IPO11: variants seen among roughly 807,000 people sequenced by gnomAD.
The protein encoded by IPO11 is importin 11, also known as importin-11.
IPO11 carries 66 observed loss-of-function variants against 143.2 expected under a neutral mutation model. The observed-to-expected ratio is 0.46, with a 90% CI of 0.38 to 0.57. The LOEUF (loss-of-function observed/expected upper bound fraction) is 0.57, where lower values mean the gene tolerates loss of function less well. IPO11 is among the 20% of genes least tolerant of loss of function. IPO11 has a pLI of 0.00. For synonymous variants in IPO11, 385 were observed against 377.8 expected, an observed-to-expected ratio of 1.02 and a Z score of -0.22; for missense variants, 1,026 against 1,141.0, an observed-to-expected ratio of 0.90 and a Z score of 1.45.
chr5:62,491,420 G>A lies in IPO11; in HGVS notation c.1463+1200G>A, dbSNP rs566374223. Among the ~76,000 whole-genome samples the A allele has an allele frequency of 4.6e-5, 7 of 152,230 alleles. No individual in the cohort carries two copies. In the South Asian group the frequency reaches 1.5e-3, roughly 32 times the overall value. ...TGATGGAGAGAAAGCTTTCATTGGC[G>A]AAACAAATGTGCAGTTTAGTTGTCC... On this transcript the variant is annotated intron_variant, in intron 15 of 29. Transcript: ENST00000325324.
intron 28 of IPO11, among the ~76,000 whole-genome samples, chr5:62,599,634 A>G (rs1745424421): frequency 6.6e-6 from 1 of 152,188 alleles, no homozygotes; most frequent in African/African-American, 2.4e-5. Flanking sequence ...TTCTTGAGAA[A>G]GATTCTTATT....
intron 29 of IPO11, among the ~76,000 whole-genome samples, chr5:62,621,258 G>T (rs1213759812): frequency 1.3e-5 from 2 of 152,166 alleles, no homozygotes; most frequent in Admixed American, 6.5e-5. Context: ...TAAAAACCAG[G>T]TTCTTGTCAC....
chr5:62,430,164 A>G (rs1376193421), intron 1 of IPO11, among the ~76,000 whole-genome samples: 1 of 152,164 alleles, frequency 6.6e-6, no homozygotes. Flanking sequence ...GAGTTTTTGT[A>G]TGGACATATT....
chr5:62,571,320 C>T (rs2112384825), intron 27 of IPO11, among the ~76,000 whole-genome samples: 1 of 152,224 alleles, frequency 6.6e-6, no homozygotes. Context: ...GAAGTTGGAC[C>T]AGTTTTCTGT....
At chr5:62,546,179 C>G (rs1277548243) in intron 24 of IPO11, among the ~76,000 whole-genome samples, 1 of 152,078 alleles carries the variant, frequency 6.6e-6, no homozygotes, top group Non-Finnish European at 1.5e-5. Flanking sequence ...TTCACAATAG[C>G]AAAGACTTGG....
Position 62,625,014 on chromosome 5 carries a change from C to T in IPO11, c.2764-2140C>T, listed in dbSNP as rs193157702. Among the ~76,000 whole-genome samples the T allele has an allele frequency of 4.8e-4, 72 of 150,360 alleles. 1 individual carries two copies. Among genetic ancestry groups the T allele is most frequent in the African/African-American group, 1.6e-3 (65 of 41,088 alleles). On this transcript the variant is annotated intron_variant, in intron 29 of 29. Coordinates refer to ENST00000325324, the MANE Select transcript of IPO11 (RefSeq NM_016338.5). The stretch of plus-strand genomic sequence containing the variant: ...AAAAAAAAAAAAGATGGAGTTGCAC[C>T]GGTTCAAAGGCCTCTGACAAAACAA...
At chr5:62,455,280 G>A (rs1298937835) in intron 5 of IPO11, among the ~76,000 whole-genome samples, 1 of 152,168 alleles carries the variant, frequency 6.6e-6, no homozygotes, top group Non-Finnish European at 1.5e-5. Flanking sequence ...CCAGCACTGG[G>A]AGGCCGTGGT....
chr5:62,623,177 TTTAA>T (rs1746435024), intron 29 of IPO11, among the ~76,000 whole-genome samples: 1 of 152,218 alleles, frequency 6.6e-6, no homozygotes, highest in African/African-American at 2.4e-5. Context: ...CCAAAGATAA[TTTAA>T]TTAAGGAATT....
chr5:62,592,339 A>T (rs1745054010), intron 28 of IPO11, among the ~76,000 whole-genome samples: 1 of 152,014 alleles, frequency 6.6e-6, no homozygotes, highest in African/African-American at 2.4e-5. Flanking sequence ...AATGGGAAAG[A>T]TTGTCACTTG....
chr5:62,475,043 G>A (rs966307243), intron 8 of IPO11, among the ~76,000 whole-genome samples: 2 of 152,076 alleles, frequency 1.3e-5, no homozygotes, highest in Non-Finnish European at 2.9e-5. Flanking sequence ...GCAGGCACCT[G>A]ATACTGAGGA....
At chr5:62,443,161 T>A in intron 3 of IPO11, 78 bp downstream of exon 3, 1 of 889,864 alleles carries the variant, frequency 1.1e-6, no homozygotes, top group Non-Finnish European at 1.8e-6. Context: ...CTTGTTTATG[T>A]AAAAGGATGT....
rs191022060 is a variant in IPO11 at position 62,588,790 on chromosome 5, G to T, written c.2583-2787G>T. On this transcript the variant is annotated intron_variant, in intron 27 of 29. Transcript: ENST00000325324. ...TATAGCAACTAAAAATGATAGAAGT[G>T]TACAGATCGGGGCTGTTACAAATCT... 6.6e-5 allele frequency among the ~76,000 whole-genome samples: 10 copies of T among 152,312 alleles called. No homozygotes were observed. In the East Asian group the frequency reaches 1.5e-3, roughly 23 times the overall value.
intron 29 of IPO11, among the ~76,000 whole-genome samples, chr5:62,607,305 A>C (rs920646612): frequency 2.6e-5 from 4 of 152,216 alleles, no homozygotes; most frequent in African/African-American, 9.6e-5. Context: ...CTATTTCATA[A>C]GGTTTTCTGG....
intron 24 of IPO11, among the ~76,000 whole-genome samples, chr5:62,545,564 A>G (rs1743139587): frequency 6.6e-6 from 1 of 152,234 alleles, no homozygotes; most frequent in Admixed American, 6.5e-5. Flanking sequence ...CTAAAACACC[A>G]AAAGTAATGG....
Position 62,417,322 on chromosome 5 carries a change from T to TA in IPO11, c.-7+4393_-7+4394insA, listed in dbSNP as rs1743332973. Among the ~76,000 whole-genome samples the TA allele has an allele frequency of 1.9e-4, 9 of 46,938 alleles. No homozygotes were observed. In the South Asian group the frequency reaches 4.7e-3, roughly 24 times the overall value. The allele number at this position is 46,938 out of a possible 152,430, so 30.8% of individuals were successfully genotyped here. A position where few individuals can be genotyped will look rare whatever the true frequency, so the allele number is the denominator to read the frequency against. On this transcript the variant is annotated intron_variant, in intron 1 of 29. Coordinates refer to ENST00000325324, the MANE Select transcript of IPO11 (RefSeq NM_016338.5). ...TTTTCTTCACCTCCTTATTGGTTAA[T>TA]TTTTTTTTTTTTTTTTTTTTTTTTT...
chr5:62,434,101 CTAAG>C, intron 1 of IPO11, among the ~76,000 whole-genome samples: 1 of 152,284 alleles, frequency 6.6e-6, no homozygotes, highest in Non-Finnish European at 1.5e-5. Context: ...CCTTTTCTCA[CTAAG>C]TGTCAGTCAT....
At chr5:62,464,617 T>C (rs1220393786) in intron 5 of IPO11, among the ~76,000 whole-genome samples, 1 of 151,952 alleles carries the variant, frequency 6.6e-6, no homozygotes, top group East Asian at 1.9e-4. Flanking sequence ...GCTGGAAGTA[T>C]AGGCGCACCC....
chr5:62,500,114 G>A (rs1033898834), intron 16 of IPO11, among the ~76,000 whole-genome samples: 1 of 152,118 alleles, frequency 6.6e-6, no homozygotes, highest in Admixed American at 6.5e-5. Context: ...ATGAAACCCT[G>A]TCTCCACAAA....
At chr5:62,506,452 A>G (rs1186016409) in intron 19 of IPO11, 95 bp downstream of exon 19, 2 of 676,426 alleles carry the variant, frequency 3.0e-6, no homozygotes, top group African/African-American at 3.6e-5. Flanking sequence ...AAGAGTTAAA[A>G]CATTAATTGA....
Sources: allele counts gnomAD v4.1 joint callset (sites outside exome capture counted in the v4.1 genomes callset), GRCh38; gene constraint gnomAD v4.1.1; transcripts MANE v1.5; gene names NCBI Gene and HGNC (gene_info 2026-07-23, HGNC 2026-07-21).